PIK3AP1: variants seen among roughly 807,000 people sequenced by gnomAD.
PIK3AP1 encodes the protein phosphoinositide 3-kinase adapter protein 1.
A neutral mutation model predicts 88.1 loss-of-function variants in PIK3AP1; 21 were observed. The ratio of observed to expected loss-of-function variants is 0.24; its 90% CI spans 0.17 to 0.34. The LOEUF (loss-of-function observed/expected upper bound fraction) is 0.34, where lower values mean the gene tolerates loss of function less well. Among genes scored for constraint, PIK3AP1 ranks in the 10% least tolerant of loss-of-function variants. The pLI, the probability that PIK3AP1 is intolerant of heterozygous loss-of-function variation, is 1.00. For synonymous variants in PIK3AP1, 398 were observed against 400.0 expected, an observed-to-expected ratio of 1.00 and a Z score of 0.06; for missense variants, 828 against 1,035.7, an observed-to-expected ratio of 0.80 and a Z score of 2.75.
At chr10:96,653,648 C>T (rs566804184) in intron 3 of PIK3AP1, among the ~76,000 whole-genome samples, 1 of 151,860 alleles carries the variant, frequency 6.6e-6, no homozygotes, top group African/African-American at 2.4e-5. Flanking sequence ...CCACCACACC[C>T]GGCAAATTTT....
chr10:96,616,279 T>G (rs533265668), intron 13 of PIK3AP1, among the ~76,000 whole-genome samples: 1 of 152,276 alleles, frequency 6.6e-6, no homozygotes, highest in African/African-American at 2.4e-5. Flanking sequence ...TAAATGGGAT[T>G]TTCTCCTTTC....
chr10:96,663,704 A>G (rs953727948), intron 2 of PIK3AP1, among the ~76,000 whole-genome samples: 2 of 150,868 alleles, frequency 1.3e-5, no homozygotes, highest in African/African-American at 4.9e-5. Flanking sequence ...AGTAAAAATG[A>G]TAAGGGGCTA....
At chr10:96,615,770 G>A (rs978873020) in intron 13 of PIK3AP1, among the ~76,000 whole-genome samples, 7 of 152,170 alleles carry the variant, frequency 4.6e-5, no homozygotes, top group Non-Finnish European at 7.3e-5. Context: ...AGGGGTCCAC[G>A]GCAGGAGAGA....
At chr10:96,706,322 CTTTTA>C (rs1416563111) in intron 2 of PIK3AP1, among the ~76,000 whole-genome samples, 2 of 152,078 alleles carry the variant, frequency 1.3e-5, no homozygotes, top group Non-Finnish European at 2.9e-5. Context: ...TTAGCTTTTG[CTTTTA>C]TTTTGAGGTA....
At chr10:96,649,021 T>A (rs949576878) in intron 6 of PIK3AP1, among the ~76,000 whole-genome samples, 166 bp from the exon 7 acceptor site, 5 of 152,194 alleles carry the variant, frequency 3.3e-5, no homozygotes, top group African/African-American at 9.7e-5. Context: ...AGGACACCAC[T>A]GAAGATCATG....
intron 2 of PIK3AP1, chr10:96,701,032 A>G (rs1042234824): frequency 3.6e-5 from 9 of 247,762 alleles, no homozygotes; most frequent in Non-Finnish European, 5.8e-5. Context: ...GACACCAGGC[A>G]TGGAGCAAAG....
chr10:96,663,929 A>C (rs1291210837), intron 2 of PIK3AP1, among the ~76,000 whole-genome samples: 1 of 152,198 alleles, frequency 6.6e-6, no homozygotes, highest in Non-Finnish European at 1.5e-5. Flanking sequence ...TACACCCAAT[A>C]AACTTTAAAC....
intron 1 of PIK3AP1, among the ~76,000 whole-genome samples, chr10:96,713,589 T>C (rs1844466459): frequency 6.9e-6 from 1 of 144,944 alleles, no homozygotes. Context: ...GAGACTGAGG[T>C]AGGAGGATTG....
Position 96,709,752 on chromosome 10 carries a change from G to C in PIK3AP1, c.245C>G (p.Pro82Arg), listed in dbSNP as rs1396580791. ...SAELVQHFHK[P>R]ALLPLLQRAF... ...TCTCTGCAGCAGGGGCAGCAAGGCG[G>C]GCTTGTGGAAGTGCTGCACCAGCTC... The change falls in exon 2 of 17, where the codon CCC becomes CGC. Residue 82 changes from proline (P) to arginine (R), a missense_variant. Physicochemically the swap from Pro to Arg is moderately radical, Grantham distance 103. Coordinates refer to ENST00000339364, the MANE Select transcript of PIK3AP1 (RefSeq NM_152309.3). The C allele has an allele frequency of 6.2e-7, 1 of 1,613,832 alleles. No homozygotes were observed. The highest frequency in any genetic ancestry group is 1.3e-5 in the African/African-American group (1 of 74,948).
chr10:96,657,893 G>A (rs550059016), intron 2 of PIK3AP1, among the ~76,000 whole-genome samples: 32 of 151,886 alleles, frequency 2.1e-4, no homozygotes, highest in Non-Finnish European at 4.6e-4. Flanking sequence ...GTGAAACCCC[G>A]TCTCTACTAA....
At chr10:96,605,056 C>A (rs1848978819) in intron 14 of PIK3AP1, among the ~76,000 whole-genome samples, 1 of 152,152 alleles carries the variant, frequency 6.6e-6, no homozygotes, top group Non-Finnish European at 1.5e-5. Flanking sequence ...GACAGCATTT[C>A]ATCATGTTGG....
At chr10:96,677,719 C>T (rs905402567) in intron 2 of PIK3AP1, among the ~76,000 whole-genome samples, 5 of 151,978 alleles carry the variant, frequency 3.3e-5, no homozygotes, top group East Asian at 1.9e-4. Flanking sequence ...ACACACTTTC[C>T]GGTTTAGAAT....
rs77046432 is a variant in PIK3AP1, at chr10:96,693,597, C to G, written c.430+15970G>C. 7.4e-3 allele frequency among the ~76,000 whole-genome samples: 1,123 copies of G among 152,288 alleles called. 22 individuals carry two copies. Among genetic ancestry groups the G allele is most frequent in the East Asian group, 0.049 (253 of 5,180 alleles). On this transcript the variant is annotated intron_variant, in intron 2 of 16. Transcript: ENST00000339364. Reference sequence around the variant, plus strand: ...GCCAATACTTCTGTTCATAAACCTTCACGTAACACTTTCTTGGAAGTGACA... The same window carrying G: ...GCCAATACTTCTGTTCATAAACCTTGACGTAACACTTTCTTGGAAGTGACA...
chr10:96,693,385 A>G (rs1844179735), intron 2 of PIK3AP1, among the ~76,000 whole-genome samples: 1 of 152,214 alleles, frequency 6.6e-6, no homozygotes, highest in South Asian at 2.1e-4. Context: ...AGATGGACAG[A>G]CGGATGGATA....
At position 96,613,390 on chromosome 10, in the gene PIK3AP1, G is replaced by A. The variant is rs570758436; in HGVS notation, c.2014+3249C>T. On this transcript the variant is annotated intron_variant, in intron 13 of 16. Coordinates refer to ENST00000339364, the MANE Select transcript of PIK3AP1 (RefSeq NM_152309.3). ...TACCACAAACAAGGAGGCCCTTGGGGCTGTCAGGCAGAACGTTCTCCCATA... is the reference window on the plus strand; with the variant it reads ...TACCACAAACAAGGAGGCCCTTGGGACTGTCAGGCAGAACGTTCTCCCATA... Among the ~76,000 whole-genome samples the A allele has an allele frequency of 1.4e-4, 21 of 152,232 alleles. No homozygotes were observed. In the East Asian group the frequency reaches 3.3e-3, roughly 24 times the overall value.
chr10:96,617,063 C>T (rs1264428132), intron 12 of PIK3AP1, among the ~76,000 whole-genome samples: 1 of 152,202 alleles, frequency 6.6e-6, no homozygotes, highest in East Asian at 1.9e-4. Context: ...CTCCCCTGAC[C>T]TTCATGGATG....
intron 8 of PIK3AP1, among the ~76,000 whole-genome samples, chr10:96,645,063 T>A (rs1843440680): frequency 6.6e-6 from 1 of 152,222 alleles, no homozygotes; most frequent in African/African-American, 2.4e-5. Context: ...TCTTTCCTAT[T>A]TCAATTAGGG....
chr10:96,671,359 A>G (rs928872645), intron 2 of PIK3AP1, among the ~76,000 whole-genome samples: 1 of 152,184 alleles, frequency 6.6e-6, no homozygotes, highest in African/African-American at 2.4e-5. Flanking sequence ...CATTTTAGTC[A>G]TCACCATGGG....
At chr10:96,700,940 C>T (rs368900280) in intron 2 of PIK3AP1, 19 of 959,070 alleles carry the variant, frequency 2.0e-5, no homozygotes, top group Non-Finnish European at 2.1e-5. Context: ...ACTACTGTGC[C>T]CATAACAGCC....
Sources: allele counts gnomAD v4.1 joint callset (sites outside exome capture counted in the v4.1 genomes callset), GRCh38; gene constraint gnomAD v4.1.1; transcripts MANE v1.5; gene names NCBI Gene and HGNC (gene_info 2026-07-23, HGNC 2026-07-21).